Variants in ZEB1 observed in about 807,000 individuals in gnomAD.
ZEB1 encodes zinc finger E-box-binding homeobox 1.
In ZEB1, 21 loss-of-function variants were observed where a neutral mutation model predicts 84.9. That is an observed-to-expected ratio of 0.25 (90% CI 0.18 to 0.36). The LOEUF (loss-of-function observed/expected upper bound fraction) is 0.36. Among genes scored for constraint, ZEB1 ranks in the 10% least tolerant of loss-of-function variants. The pLI is 1.00. For synonymous variants in ZEB1, 420 were observed against 471.1 expected, an observed-to-expected ratio of 0.89 and a Z score of 1.41; for missense variants, 1,104 against 1,330.2, an observed-to-expected ratio of 0.83 and a Z score of 2.65.
intron 1 of ZEB1, chr10:31,363,959 A>G (rs746176835): frequency 4.4e-4 from 574 of 1,293,870 alleles, no homozygotes; most frequent in Admixed American, 1.0e-3. Context: ...CCAGCTGGGA[A>G]GGCCTCACGG....
intron 1 of ZEB1, among the ~76,000 whole-genome samples, chr10:31,333,792 ATATATT>A (rs1437005965): frequency 1.3e-5 from 2 of 152,110 alleles, no homozygotes; most frequent in Admixed American, 6.5e-5. Flanking sequence ...AAATAACAAA[ATATATT>A]TATATGCTGT....
At chr10:31,447,567 C>T (rs1224400128) in intron 1 of ZEB1, among the ~76,000 whole-genome samples, 7 of 135,192 alleles carry the variant, frequency 5.2e-5, no homozygotes, top group Non-Finnish European at 7.9e-5. Context: ...TGTTCCTTTC[C>T]ATGTTTAGTG....
At chr10:31,487,680 C>T (rs754851209) in intron 2 of ZEB1, among the ~76,000 whole-genome samples, 1 of 151,288 alleles carries the variant, frequency 6.6e-6, no homozygotes, top group Non-Finnish European at 1.5e-5. Context: ...GAGGTGATAA[C>T]GGACATTCTT....
intron 1 of ZEB1, among the ~76,000 whole-genome samples, chr10:31,443,020 G>T (rs2059224372): frequency 6.6e-6 from 1 of 152,164 alleles, no homozygotes; most frequent in Non-Finnish European, 1.5e-5. Flanking sequence ...TTTAATCAAG[G>T]TAAGAGATTA....
At chr10:31,381,465 A>G (rs546473088) in intron 1 of ZEB1, among the ~76,000 whole-genome samples, 2 of 152,340 alleles carry the variant, frequency 1.3e-5, no homozygotes, top group East Asian at 3.9e-4. Flanking sequence ...AGATTCAAAT[A>G]AAAGCAGAGA....
chr10:31,366,526 C>A (rs940920475), intron 1 of ZEB1, among the ~76,000 whole-genome samples: 19 of 152,124 alleles, frequency 1.2e-4, no homozygotes, highest in African/African-American at 4.3e-4. Flanking sequence ...TCATAACATA[C>A]CCCATGATGT....
At chr10:31,513,692 A>AAG (rs1281100805) in intron 5 of ZEB1, among the ~76,000 whole-genome samples, 1 of 152,176 alleles carries the variant, frequency 6.6e-6, no homozygotes, top group Non-Finnish European at 1.5e-5. Context: ...TAGTAGTCAA[A>AAG]ATTATGGGAA....
intron 1 of ZEB1, among the ~76,000 whole-genome samples, chr10:31,455,907 G>GTA (rs753073078): frequency 6.6e-6 from 1 of 152,120 alleles, no homozygotes; most frequent in Non-Finnish European, 1.5e-5. Flanking sequence ...CCATTACTCG[G>GTA]TATATACCCA....
intron 2 of ZEB1, among the ~76,000 whole-genome samples, chr10:31,485,837 C>T (rs1353500001): frequency 6.6e-6 from 1 of 151,722 alleles, no homozygotes; most frequent in Non-Finnish European, 1.5e-5. Context: ...ACGATCAGGG[C>T]ACAGAACAGT....
intron 1 of ZEB1, among the ~76,000 whole-genome samples, chr10:31,409,033 T>C (rs1253394795): frequency 6.6e-6 from 1 of 151,944 alleles, no homozygotes; most frequent in African/African-American, 2.4e-5. Context: ...TACAATGAAC[T>C]CAAATAAATT....
At position 31,524,027 on chromosome 10, in the gene ZEB1, C is replaced by T. The variant is rs1184416010; in HGVS notation, c.2699C>T (p.Thr900Ile). ...CCGCCCAAAAAGAAAATGCGGAAGA[C>T]AGAAAATGGAATGTATGCTTGTGAT... ...STPPKKKMRK[T>I]ENGMYACDLC... Residue 900 changes from threonine to isoleucine, a missense_variant, in exon 8 of 9, where the codon ACA becomes ATA. Physicochemically the swap from Thr to Ile is moderately conservative, Grantham distance 89. Around this residue, in one of 7 missense-constraint regions of ZEB1, gnomAD observed 531 missense variants for 575.2 expected, o/e 0.92. Coordinates refer to ENST00000424869, the MANE Select transcript of ZEB1 (RefSeq NM_001174096.2). 1.2e-6 allele frequency: 2 copies of T among 1,613,772 alleles called. No homozygotes were observed. Among genetic ancestry groups the T allele is most frequent in the Admixed American group, 1.7e-5 (1 of 60,000 alleles).
chr10:31,474,991 C>G lies in ZEB1; in HGVS notation c.259+13754C>G, dbSNP rs2063874738. On this transcript the variant is annotated intron_variant, in intron 2 of 8. Transcript: ENST00000424869. ...AAATCAAACACCGCATATTCTCACT[C>G]ATAGGTGGGAATTGAACAATGAGAT... Among the ~76,000 whole-genome samples the G allele has an allele frequency of 4.1e-5, 6 of 145,108 alleles. No homozygotes were observed. In the South Asian group the frequency reaches 1.3e-3, roughly 31 times the overall value.
chr10:31,353,214 T>G (rs2041590268), intron 1 of ZEB1, among the ~76,000 whole-genome samples: 1 of 152,230 alleles, frequency 6.6e-6, no homozygotes, highest in South Asian at 2.1e-4. Context: ...ATCCTGTTTC[T>G]TTTCCCATGT....
intron 1 of ZEB1, among the ~76,000 whole-genome samples, chr10:31,413,136 A>T (rs1336935876): frequency 6.6e-6 from 1 of 152,238 alleles, no homozygotes; most frequent in African/African-American, 2.4e-5. Context: ...TGACATTATT[A>T]CAAGATATTA....
chr10:31,332,237 G>A (rs545850778), intron 1 of ZEB1, among the ~76,000 whole-genome samples: 13 of 152,252 alleles, frequency 8.5e-5, no homozygotes, highest in Middle Eastern at 6.8e-3. Context: ...GCAGCCTTAC[G>A]TTATAGTGGC....
rs151032441 is a variant in ZEB1, at chr10:31,371,566, A to T, written c.58+52274A>T. 9.8e-3 allele frequency among the ~76,000 whole-genome samples: 1,499 copies of T among 152,254 alleles called. 20 individuals carry two copies. Among genetic ancestry groups the T allele is most frequent in the Non-Finnish European group, 0.011 (759 of 68,000 alleles). ...CTCAGATCAGTCCCACATGTGATAA[A>T]TCTATTCAAACTATTAAACTGCCTC... is the stretch of plus-strand genomic sequence containing the variant. On this transcript the variant is annotated intron_variant, in intron 1 of 8. Coordinates refer to ENST00000424869, the MANE Select transcript of ZEB1 (RefSeq NM_001174096.2).
chr10:31,508,103 G>T (rs1186604795), intron 4 of ZEB1, among the ~76,000 whole-genome samples: 5 of 152,164 alleles, frequency 3.3e-5, no homozygotes, highest in Non-Finnish European at 5.9e-5. Flanking sequence ...AGGTGCAATT[G>T]TTAGTGGAGG....
At chr10:31,511,281 T>G (rs144739651) in intron 5 of ZEB1, among the ~76,000 whole-genome samples, 1 of 152,350 alleles carries the variant, frequency 6.6e-6, no homozygotes, top group African/African-American at 2.4e-5. Context: ...ATTAAAAAGT[T>G]TAAGTTTCTT....
chr10:31,347,043 A>G (rs902883349), intron 1 of ZEB1, among the ~76,000 whole-genome samples: 1 of 152,180 alleles, frequency 6.6e-6, no homozygotes, highest in African/African-American at 2.4e-5. Flanking sequence ...AAAGTAAGAT[A>G]AAGCTCAGCT....
Sources: allele counts gnomAD v4.1 joint callset (sites outside exome capture counted in the v4.1 genomes callset), GRCh38; gene constraint gnomAD v4.1.1; regional missense constraint gnomAD v4.1.1; transcripts MANE v1.5; gene names NCBI Gene and HGNC (gene_info 2026-07-23, HGNC 2026-07-21).